Variants in MACF1 observed in about 807,000 individuals in gnomAD.
MACF1 encodes the protein microtubule-actin cross-linking factor 1.
Under a neutral mutation model 854.8 loss-of-function variants are expected in MACF1, and 193 were observed. The ratio of observed to expected loss-of-function variants is 0.23; its 90% confidence interval spans 0.20 to 0.25. The LOEUF is 0.25. Ranked by LOEUF, MACF1 falls within the 10% of genes least tolerant of loss-of-function variation. The probability of loss-of-function intolerance (pLI) is 1.00; values close to 1 mark genes in which losing one functional copy is unlikely to be tolerated. For synonymous variants in MACF1, 3,185 were observed against 3,226.7 expected (o/e 0.99, Z 0.44); for missense variants, 7,722 against 8,929.1 (o/e 0.86, Z 5.45).
At chr1:39,339,605 G>A (rs1319916690) in intron 38 of MACF1, among the ~76,000 whole-genome samples, 1 of 152,202 alleles carries the variant, frequency 6.6e-6, no homozygotes, top group African/African-American at 2.4e-5. Context: ...TTAGGTACAG[G>A]CAAGGAATGA....
Position 39,335,260 on chromosome 1 carries a change from A to G in MACF1, c.8672A>G (p.Asp2891Gly), listed in dbSNP as rs1646791324. The change falls in exon 37 of 101, where the codon GAT becomes GGT. Residue 2891 changes from aspartate (D) to glycine (G), a missense_variant. Asp to Gly is a moderately conservative substitution (Grantham distance 94). This residue lies in a region of MACF1 where 854 missense variants were observed against 852.6 expected (regional missense o/e 1.00). Coordinates refer to ENST00000564288, the MANE Select transcript of MACF1 (RefSeq NM_001394062.1). The stretch of plus-strand genomic sequence containing the variant: ...TTGACACACCCTTACTCTGAATGTG[A>G]TTTTAAACTTAAAGAAGTGGCTAGA... Reference protein sequence around the residue: ...VSLTHPYSECDFKLKEVARNN... With the variant: ...VSLTHPYSECGFKLKEVARNN... 1 of 1,613,968 alleles carries G rather than the reference A, an allele frequency of 6.2e-7. No homozygotes were observed. Among genetic ancestry groups the G allele is most frequent in the African/African-American group, 1.3e-5 (1 of 74,926 alleles).
Position 39,460,922 on chromosome 1 carries a change from G to C in MACF1, c.21523+128G>C. On this transcript the variant is annotated intron_variant, in intron 92 of 100. Coordinates refer to ENST00000564288, the MANE Select transcript of MACF1 (RefSeq NM_001394062.1). This position sits in a 1 kb window ranked among gnomAD's most constrained non-coding sequence, Gnocchi z 4.1. Reference sequence around the variant, plus strand: ...AGCTTGGCTCACACCTGTAATTCCAGCACTTTGGGAGGCAGGTGGCAAAGG... The same window carrying C: ...AGCTTGGCTCACACCTGTAATTCCACCACTTTGGGAGGCAGGTGGCAAAGG... The C allele has an allele frequency of 9.3e-7, 1 of 1,075,584 alleles. No individual in the cohort carries two copies. Among genetic ancestry groups the C allele is most frequent in the Non-Finnish European group, 1.4e-6 (1 of 732,116 alleles). 66.6% of individuals were successfully genotyped at this position (1,075,584 alleles called of 1,614,324 possible). A position where few individuals can be genotyped will look rare whatever the true frequency, so the allele number is the denominator to read the frequency against.
chr1:39,243,617 G>A (rs2805584), intron 2 of MACF1, among the ~76,000 whole-genome samples: 8,914 of 152,132 alleles, frequency 0.059, 345 homozygotes, highest in African/African-American at 0.11. Context: ...TGCCCTGACT[G>A]GTCTCAAACT....
intron 20 of MACF1, among the ~76,000 whole-genome samples, chr1:39,296,816 AAGGAAGG>A (rs769044377): frequency 0.12 from 12,584 of 104,766 alleles, 1,745 homozygotes; most frequent in African/African-American, 0.31. Context: ...GAAAGAAAGG[AAGGAAGG>A]AAGGAAGGAA....
At chr1:39,376,997 G>A (rs953114643) in intron 52 of MACF1, among the ~76,000 whole-genome samples, 4 of 151,728 alleles carry the variant, frequency 2.6e-5, no homozygotes, top group African/African-American at 9.7e-5. Context: ...ATTACACCTG[G>A]CCCACAACTA....
At chr1:39,119,872 C>CTTT (rs571383832) in intron 2 of MACF1, among the ~76,000 whole-genome samples, 3 of 65,570 alleles carry the variant, frequency 4.6e-5, no homozygotes, top group African/African-American at 1.7e-4. Context: ...AATAAAGCCT[C>CTTT]TTTTTTTTTT....
At chr1:39,414,401 G>T in intron 58 of MACF1, 1 of 1,613,932 alleles carries the variant, frequency 6.2e-7, no homozygotes, top group African/African-American at 1.3e-5. Flanking sequence ...CTAGTATTTG[G>T]CATAAAAGAG....
intron 49 of MACF1, among the ~76,000 whole-genome samples, 194 bp downstream of exon 49, chr1:39,361,871 T>G (rs1648213942): frequency 6.6e-6 from 1 of 152,232 alleles, no homozygotes; most frequent in East Asian, 1.9e-4. Flanking sequence ...ATATTTATTT[T>G]TCACTCTTAT....
chr1:39,387,566 T>C lies in MACF1; in HGVS notation c.14724T>C (p.Tyr4908=), dbSNP rs747796804. Residue 4908 remains tyrosine (Y), a synonymous_variant, in exon 58 of 101, where the codon TAT becomes TAC. Coordinates refer to ENST00000564288, the MANE Select transcript of MACF1 (RefSeq NM_001394062.1). ...LKDCMQKAQK[Y]QWHVEDLVPW... is the part of the protein sequence containing the mutation. ...ATTGTATGCAGAAAGCTCAGAAATA[T>C]CAGTGGCATGTGGAAGACCTTGTGC... 8 of 1,614,002 alleles carry C rather than the reference T, an allele frequency of 5.0e-6. No individual in the cohort carries two copies. In the Middle Eastern group the frequency reaches 4.9e-4, roughly 99 times the overall value.
intron 100 of MACF1, 176 bp downstream of exon 100, chr1:39,484,906 G>A: frequency 7.3e-6 from 5 of 689,380 alleles, no homozygotes; most frequent in Non-Finnish European, 1.0e-5. Flanking sequence ...ATTACAGCTA[G>A]CTTTAAGCTT....
At position 39,335,392 on chromosome 1, in the gene MACF1, T is replaced by C. The variant is rs1312309897; in HGVS notation, c.8804T>C (p.Ile2935Thr). 1.9e-6 allele frequency: 3 copies of C among 1,613,964 alleles called. No individual in the cohort carries two copies. In the South Asian group the frequency reaches 3.3e-5, roughly 18 times the overall value. Reference protein sequence around the residue: ...QSTSCLDSEEIRENQGEVILE... With the variant: ...QSTSCLDSEETRENQGEVILE... ...ACCTCATGTCTAGATTCTGAAGAAA[T>C]AAGAGAAAATCAAGGGGAAGTGATT... is the stretch of plus-strand genomic sequence containing the variant. The change falls in exon 37 of 101, where the codon ATA (isoleucine) becomes ACA (threonine). Residue 2935 changes from isoleucine (I) to threonine (T), a missense_variant. By Grantham distance (89) the Ile-to-Thr change is moderately conservative (BLOSUM62 -1). Around this residue, in one of 15 missense-constraint regions of MACF1, gnomAD observed 854 missense variants for 852.6 expected, o/e 1.00. Transcript: ENST00000564288.
At chr1:39,452,898 G>C in intron 87 of MACF1, 86 bp downstream of exon 87, 1 of 1,476,202 alleles carries the variant, frequency 6.8e-7, no homozygotes, top group Non-Finnish European at 9.2e-7. Flanking sequence ...CTTTTTCTTG[G>C]AAATATCAGA....
intron 3 of MACF1, among the ~76,000 whole-genome samples, chr1:39,250,396 A>G (rs1424332394): frequency 6.6e-6 from 1 of 152,172 alleles, no homozygotes; most frequent in African/African-American, 2.4e-5. Context: ...TCTAGATACT[A>G]ATATTTCAGA....
At chr1:39,431,141 C>T (rs1404708326) in intron 66 of MACF1, among the ~76,000 whole-genome samples, 1 of 152,110 alleles carries the variant, frequency 6.6e-6, no homozygotes, top group Non-Finnish European at 1.5e-5. Flanking sequence ...GGAGAAGAGT[C>T]TACATGAGGC....
intron 58 of MACF1, chr1:39,412,333 A>G: frequency 6.2e-7 from 1 of 1,614,036 alleles, no homozygotes; most frequent in Non-Finnish European, 8.5e-7. Flanking sequence ...TGGGAATGTA[A>G]CTGTTAATCA....
chr1:39,303,626 C>T (rs961972854), intron 23 of MACF1, among the ~76,000 whole-genome samples: 11 of 148,904 alleles, frequency 7.4e-5, no homozygotes, highest in East Asian at 2.0e-4. Flanking sequence ...CCGAGGGAGG[C>T]GGATCACTTG....
At chr1:39,138,593 A>G (rs1182700600) in intron 2 of MACF1, among the ~76,000 whole-genome samples, 1 of 151,570 alleles carries the variant, frequency 6.6e-6, no homozygotes, top group Non-Finnish European at 1.5e-5. Flanking sequence ...TCAAAAAAAA[A>G]GAAAAATGGC....
At chr1:39,373,266 T>G (rs1419878954) in intron 52 of MACF1, 1 of 150,038 alleles carries the variant, frequency 6.7e-6, no homozygotes, top group East Asian at 2.0e-4. Flanking sequence ...GCACTCCAAC[T>G]TGGGCAACAG....
At chr1:39,454,864 G>T (rs571889905) in intron 88 of MACF1, 45 bp from the exon 89 acceptor site, 4 of 1,526,930 alleles carry the variant, frequency 2.6e-6, no homozygotes, top group East Asian at 4.5e-5. Context: ...AACAAAGGGG[G>T]TATGCTTGAC....
Sources: gnomAD v4.1 joint callset for allele counts (sites outside exome capture counted in the v4.1 genomes callset) on GRCh38, gnomAD v4.1.1 for gene constraint, gnomAD v4.1.1 regional missense constraint, Gnocchi (gnomAD v3.1) non-coding constraint, MANE v1.5 for transcripts, NCBI Gene and HGNC (gene_info 2026-07-23, HGNC 2026-07-21) for gene names.